CAST: variants seen among roughly 807,000 people sequenced by gnomAD.
CAST encodes MIR583 host.
A neutral mutation model predicts 119.6 loss-of-function variants in CAST; 76 were observed. The ratio of observed to expected loss-of-function variants is 0.64; its 90% CI spans 0.53 to 0.77. CAST has a LOEUF of 0.77. Ranked by LOEUF, CAST falls within the 30% of genes least tolerant of loss-of-function variation. CAST has a pLI of 0.00. For synonymous variants in CAST, 319 were observed against 331.6 expected (o/e 0.96, Z 0.41); for missense variants, 953 against 946.5 (o/e 1.01, Z -0.09).
At chr5:96,738,151 G>C (rs1314636360) in intron 11 of CAST, among the ~76,000 whole-genome samples, 2 of 152,120 alleles carry the variant, frequency 1.3e-5, no homozygotes, top group African/African-American at 2.4e-5. Flanking sequence ...GTGAAACCCT[G>C]TCCTTACTAA....
At chr5:96,592,571 C>G (rs1418092173) in intron 1 of CAST, among the ~76,000 whole-genome samples, 1 of 152,114 alleles carries the variant, frequency 6.6e-6, no homozygotes, top group Non-Finnish European at 1.5e-5. Flanking sequence ...TCTCTTATAG[C>G]ATAGCAATGA....
intron 3 of CAST, among the ~76,000 whole-genome samples, chr5:96,713,805 T>C (rs1319473088): frequency 2.0e-5 from 3 of 151,926 alleles, no homozygotes; most frequent in Non-Finnish European, 2.9e-5. Flanking sequence ...TGAAACCCCA[T>C]CTCTACTAAA....
At chr5:96,528,542 T>C (rs1278162194), upstream of CAST, among the ~76,000 whole-genome samples, 13 of 152,148 alleles carry the variant, frequency 8.5e-5, no homozygotes, top group Admixed American at 7.9e-4. Flanking sequence ...AAGGCTTCAG[T>C]TGGCTCACAA....
At chr5:96,383,997 G>A in the CAST span, among the ~76,000 whole-genome samples, 1 of 152,020 alleles carries the variant, frequency 6.6e-6, no homozygotes, top group South Asian at 2.1e-4. Context: ...AGTTTTATGG[G>A]GTCTGAAGCT....
At chr5:96,325,975 G>A in the CAST span, among the ~76,000 whole-genome samples, 21 of 152,060 alleles carry the variant, frequency 1.4e-4, no homozygotes. Context: ...ATTCACCAAC[G>A]GTGTGCTACA....
the CAST span, among the ~76,000 whole-genome samples, chr5:96,511,350 G>A: frequency 6.6e-6 from 1 of 151,992 alleles, no homozygotes; most frequent in African/African-American, 2.4e-5. Context: ...CATCATGTTG[G>A]CCAGGATGGT....
chr5:96,484,514 G>T, the CAST span, among the ~76,000 whole-genome samples: 1 of 152,172 alleles, frequency 6.6e-6, no homozygotes, highest in Non-Finnish European at 1.5e-5. Context: ...ATCTGGAACA[G>T]ATGGTAAATT....
chr5:96,387,467 T>C, the CAST span, among the ~76,000 whole-genome samples: 1 of 152,200 alleles, frequency 6.6e-6, no homozygotes, highest in Non-Finnish European at 1.5e-5. Context: ...TAGGACCTCA[T>C]AAGTGGGCTT....
chr5:96,549,539 G>C (rs1427558563), intron 1 of CAST, among the ~76,000 whole-genome samples: 1 of 152,210 alleles, frequency 6.6e-6, no homozygotes, highest in Non-Finnish European at 1.5e-5. Flanking sequence ...ATTGGGACTG[G>C]TTGTACAGTG....
chr5:96,269,206 A>G, the CAST span, among the ~76,000 whole-genome samples: 2 of 152,188 alleles, frequency 1.3e-5, no homozygotes, highest in Admixed American at 6.5e-5. Flanking sequence ...AAAGACTATA[A>G]AAAGAGACAA....
the CAST span, among the ~76,000 whole-genome samples, chr5:96,335,537 C>T: frequency 6.6e-6 from 1 of 152,180 alleles, no homozygotes; most frequent in Non-Finnish European, 1.5e-5. Flanking sequence ...CTGTTTTAGC[C>T]TACCGCTCTT....
chr5:96,252,735 T>G, the CAST span, among the ~76,000 whole-genome samples: 2 of 152,158 alleles, frequency 1.3e-5, no homozygotes, highest in Non-Finnish European at 2.9e-5. Context: ...TTTAACCTCT[T>G]TCAGTAATGA....
intron 9 of CAST, among the ~76,000 whole-genome samples, chr5:96,731,985 C>A (rs1004949260): frequency 6.6e-6 from 1 of 152,106 alleles, no homozygotes; most frequent in Non-Finnish European, 1.5e-5. Flanking sequence ...GTCTTTATAG[C>A]AGCATGATTT....
At chr5:96,180,006 G>A in the CAST span, among the ~76,000 whole-genome samples, 3 of 151,438 alleles carry the variant, frequency 2.0e-5, no homozygotes, top group African/African-American at 7.3e-5. Flanking sequence ...CTGGGAGACA[G>A]AGCGAGACTC....
chr5:96,148,709 A>G, the CAST span, among the ~76,000 whole-genome samples: 1 of 152,256 alleles, frequency 6.6e-6, no homozygotes, highest in Admixed American at 6.5e-5. Context: ...AGAGCAATAG[A>G]ATGATGTGTA....
chr5:96,025,595 A>G, the CAST span, among the ~76,000 whole-genome samples: 1 of 152,208 alleles, frequency 6.6e-6, no homozygotes, highest in Non-Finnish European at 1.5e-5. Context: ...ACACTCTCAG[A>G]CATGGTCATG....
chr5:96,152,418 GTC>G, the CAST span, among the ~76,000 whole-genome samples: 1 of 152,154 alleles, frequency 6.6e-6, no homozygotes, highest in Non-Finnish European at 1.5e-5. Context: ...CTGGCTTTCA[GTC>G]TCTACCAGGG....
intron 1 of CAST, among the ~76,000 whole-genome samples, chr5:96,602,101 A>C (rs527448091): frequency 1.3e-5 from 2 of 152,284 alleles, no homozygotes; most frequent in African/African-American, 4.8e-5. Flanking sequence ...GTCACAATAG[A>C]GTAGGGTCCC....
chr5:96,376,705 G>A, the CAST span, among the ~76,000 whole-genome samples: 4 of 152,192 alleles, frequency 2.6e-5, no homozygotes, highest in African/African-American at 9.6e-5. Context: ...CTCCCAAAGT[G>A]CTGGGACTGC....
Sources: gnomAD v4.1 joint callset for allele counts (sites outside exome capture counted in the v4.1 genomes callset) on GRCh38, gnomAD v4.1.1 for gene constraint, MANE v1.5 for transcripts, NCBI Gene and HGNC (gene_info 2026-07-23, HGNC 2026-07-21) for gene names.